The following MSH4 variants were observed in gnomAD, a reference collection of about 807,000 sequenced individuals.
MSH4 encodes the protein mutS homolog 4, also known as mutS protein homolog 4.
Under a neutral mutation model 113.7 loss-of-function variants are expected in MSH4, and 106 were observed. That is an observed-to-expected ratio of 0.93 (90% CI 0.80 to 1.10). The LOEUF is 1.10. Among genes scored for constraint, MSH4 ranks in the 50% least tolerant of loss-of-function variants. The pLI, the probability that MSH4 is intolerant of heterozygous loss-of-function variation, is 0.00. For missense variants in MSH4, 1,061 were observed against 1,093.7 expected (o/e 0.97, Z 0.42); for synonymous variants, 368 against 380.2 (o/e 0.97, Z 0.37).
intron 7 of MSH4, among the ~76,000 whole-genome samples, chr1:75,823,109 G>A (rs1156748970): frequency 3.3e-5 from 5 of 152,088 alleles, no homozygotes; most frequent in East Asian, 1.9e-4. Flanking sequence ...TTTGGTGGTC[G>A]CTGTCAGTCC....
chr1:75,860,820 T>C (rs928375514), intron 8 of MSH4, among the ~76,000 whole-genome samples: 1 of 152,198 alleles, frequency 6.6e-6, no homozygotes, highest in African/African-American at 2.4e-5. Context: ...TCTTGCTAGG[T>C]TGGGGAAGTT....
chr1:75,861,349 G>A (rs1651451684), intron 8 of MSH4, among the ~76,000 whole-genome samples: 1 of 152,140 alleles, frequency 6.6e-6, no homozygotes, highest in South Asian at 2.1e-4. Context: ...AGGTGTTCTG[G>A]TTTTTGGTAT....
intron 2 of MSH4, among the ~76,000 whole-genome samples, chr1:75,804,499 CT>C (rs5775308): frequency 0.26 from 31,734 of 123,216 alleles, 2,797 homozygotes; most frequent in East Asian, 0.57. Flanking sequence ...TATGACCTTC[CT>C]TTTTTTTTTT....
At chr1:75,895,537 A>G (rs1390845539) in intron 17 of MSH4, among the ~76,000 whole-genome samples, 1 of 151,984 alleles carries the variant, frequency 6.6e-6, no homozygotes, top group Admixed American at 6.6e-5. Flanking sequence ...AGAAATAAGG[A>G]CTGTCTGTAA....
At chr1:75,883,367 A>G (rs922621987) in intron 14 of MSH4, among the ~76,000 whole-genome samples, 7 of 151,744 alleles carry the variant, frequency 4.6e-5, no homozygotes, top group African/African-American at 1.7e-4. Context: ...ACTATTTTGG[A>G]GCTCAGGACA....
At chr1:75,894,279 C>G (rs1003613111) in intron 17 of MSH4, among the ~76,000 whole-genome samples, 2 of 152,176 alleles carry the variant, frequency 1.3e-5, no homozygotes, top group African/African-American at 4.8e-5. Context: ...TAATGGGAAG[C>G]AGAGTTAAAG....
chr1:75,800,597 A>G (rs184987989), intron 1 of MSH4, among the ~76,000 whole-genome samples: 4 of 151,334 alleles, frequency 2.6e-5, no homozygotes, highest in Admixed American at 1.3e-4. Context: ...ATGTTAAAAA[A>G]AAAGAATTCT....
chr1:75,830,147 A>G (rs778571473), intron 7 of MSH4, among the ~76,000 whole-genome samples: 3 of 152,168 alleles, frequency 2.0e-5, no homozygotes, highest in Non-Finnish European at 4.4e-5. Flanking sequence ...TGCGTGCACA[A>G]GCTTCAGTAG....
At chr1:75,867,642 T>C in intron 9 of MSH4, 54 bp downstream of exon 9, 2 of 1,254,914 alleles carry the variant, frequency 1.6e-6, no homozygotes, top group Non-Finnish European at 2.2e-6. Context: ...TTTTTAACTT[T>C]TTGTTGGAAA....
At position 75,803,031 on chromosome 1, in the gene MSH4, G is replaced by T. The variant is rs5745318; in HGVS notation, c.245-700G>T. ...TGAATGGATTAATTCATTCATGAAG[G>T]CAGAGCCCTCATGCCCCATCACCTC... is the stretch of plus-strand genomic sequence containing the variant. On this transcript the variant is annotated intron_variant, in intron 1 of 19. Transcript: ENST00000263187. Among the ~76,000 whole-genome samples the T allele has an allele frequency of 6.1e-3, 934 of 152,198 alleles. 5 individuals carry two copies. Among genetic ancestry groups the T allele is most frequent in the Admixed American group, 9.3e-3 (142 of 15,290 alleles).
intron 6 of MSH4, among the ~76,000 whole-genome samples, chr1:75,816,773 T>G (rs1307199616): frequency 6.6e-6 from 1 of 152,102 alleles, no homozygotes; most frequent in Admixed American, 6.6e-5. Flanking sequence ...ACTACAGGCA[T>G]GTGCCACCAT....
intron 6 of MSH4, among the ~76,000 whole-genome samples, chr1:75,819,262 G>A (rs1164139992): frequency 1.3e-5 from 2 of 152,144 alleles, no homozygotes; most frequent in Non-Finnish European, 2.9e-5. Context: ...GCAGGCCAAC[G>A]TGGGTGGATC....
intron 17 of MSH4, among the ~76,000 whole-genome samples, chr1:75,897,157 A>C (rs1570996547): frequency 6.6e-6 from 1 of 152,142 alleles, no homozygotes. Context: ...TGGGCTGGAA[A>C]TCTTGTGCTG....
At chr1:75,815,955 C>A (rs1346501862) in intron 5 of MSH4, among the ~76,000 whole-genome samples, 2 of 151,990 alleles carry the variant, frequency 1.3e-5, no homozygotes, top group Non-Finnish European at 1.5e-5. Context: ...TTGCAGTGAG[C>A]CGAGATCACA....
At chr1:75,877,543 T>C (rs1373381985) in intron 10 of MSH4, among the ~76,000 whole-genome samples, 1 of 152,158 alleles carries the variant, frequency 6.6e-6, no homozygotes, top group Non-Finnish European at 1.5e-5. Context: ...AGGCCACACA[T>C]TGAAGTTAAT....
At chr1:75,848,173 A>G in intron 7 of MSH4, 36 bp from the exon 8 acceptor site, 2 of 1,396,364 alleles carry the variant, frequency 1.4e-6, no homozygotes, top group South Asian at 1.2e-5. Context: ...ACTGTACCAT[A>G]AAGTTTAAAT....
chr1:75,796,975 G>A lies in MSH4; in HGVS notation c.-11G>A, dbSNP rs750603192. On this transcript the variant is annotated 5_prime_UTR_variant, in exon 1 of 20. Transcript: ENST00000263187. ...ACCTCATACTTCTCGGGTCAGGGAA[G>A]GTTTGGGAGGATGCTGAGGCCTGAG... is the stretch of plus-strand genomic sequence containing the variant. 46 of 1,613,744 alleles carry A rather than the reference G, an allele frequency of 2.9e-5. No homozygotes were observed. The highest frequency in any genetic ancestry group is 3.8e-5 in the Non-Finnish European group (45 of 1,179,976).
intron 1 of MSH4, among the ~76,000 whole-genome samples, chr1:75,799,278 A>G (rs536904837): frequency 6.7e-6 from 1 of 150,272 alleles, no homozygotes; most frequent in East Asian, 1.9e-4. Flanking sequence ...TGCAGAGTAG[A>G]TTTTTTTTTT....
chr1:75,909,101 A>G (rs1254888025), intron 19 of MSH4, among the ~76,000 whole-genome samples: 1 of 152,052 alleles, frequency 6.6e-6, no homozygotes, highest in Non-Finnish European at 1.5e-5. Flanking sequence ...TCCAGGCACT[A>G]GTGGTGCTTC....
Sources: gnomAD v4.1 joint callset for allele counts (sites outside exome capture counted in the v4.1 genomes callset) on GRCh38, gnomAD v4.1.1 for gene constraint, MANE v1.5 for transcripts, NCBI Gene and HGNC (gene_info 2026-07-23, HGNC 2026-07-21) for gene names.